Variants in TAF2 observed in about 807,000 individuals in gnomAD.
The protein encoded by TAF2 is transcription initiation factor TFIID subunit 2.
In TAF2, 61 loss-of-function variants were observed where a neutral mutation model predicts 138.5. The observed-to-expected ratio is 0.44, with a 90% CI of 0.36 to 0.54. The LOEUF (loss-of-function observed/expected upper bound fraction) is 0.54. Ranked by LOEUF, TAF2 falls within the 20% of genes least tolerant of loss-of-function variation. TAF2 has a pLI of 0.00. For missense variants in TAF2, 1,090 were observed against 1,427.9 expected, an observed-to-expected ratio of 0.76 and a Z score of 3.81; for synonymous variants, 475 against 469.9, an observed-to-expected ratio of 1.01 and a Z score of -0.14.
In TAF2 at chr8:119,790,055, A is replaced by G. The variant is rs564946657; in HGVS notation, c.1414-309T>C. ...GTAGTTTATATAGAAACTAGAAATT[A>G]AGAAGCTAATGATACTCATCAGGAT... On this transcript the variant is annotated intron_variant, in intron 11 of 25. Coordinates refer to ENST00000378164, the MANE Select transcript of TAF2 (RefSeq NM_003184.4). Among the ~76,000 whole-genome samples, 3 of 152,298 alleles carry G rather than the reference A, an allele frequency of 2.0e-5. No individual in the cohort carries two copies. The South Asian group carries it at 6.2e-4, about 32-fold the overall frequency.
intron 9 of TAF2, among the ~76,000 whole-genome samples, chr8:119,795,291 G>A (rs1823746078): frequency 1.3e-5 from 2 of 152,098 alleles, no homozygotes; most frequent in Admixed American, 6.5e-5. Flanking sequence ...CATACCTAAC[G>A]ACCAATCTGA....
At chr8:119,801,586 G>A (rs533834732) in intron 6 of TAF2, among the ~76,000 whole-genome samples, 3 of 151,966 alleles carry the variant, frequency 2.0e-5, no homozygotes, top group South Asian at 2.1e-4. Context: ...CCACCACCAC[G>A]CCTGGCTAAT....
chr8:119,827,733 AAT>A (rs1826191136), intron 2 of TAF2, among the ~76,000 whole-genome samples: 1 of 93,708 alleles, frequency 1.1e-5, no homozygotes, highest in Non-Finnish European at 2.2e-5. Flanking sequence ...CCATGGAAGG[AAT>A]TTTTTTTTTT....
chr8:119,795,590 T>C lies in TAF2; in HGVS notation c.1133A>G (p.Tyr378Cys). 2 of 1,613,794 alleles carry C rather than the reference T, an allele frequency of 1.2e-6. No individual in the cohort carries two copies. Among genetic ancestry groups the C allele is most frequent in the South Asian group, 1.1e-5 (1 of 91,078 alleles). The change falls in exon 9 of 26, where the codon TAT becomes TGT. Residue 378 changes from tyrosine (Y) to cysteine (C), a missense_variant. Tyr to Cys is a radical substitution (Grantham distance 194). This residue lies in a region of TAF2 where 504 missense variants were observed against 680.9 expected (regional missense o/e 0.74). Coordinates refer to ENST00000378164, the MANE Select transcript of TAF2 (RefSeq NM_003184.4). Reference protein sequence around the residue: ...WVLKGISGYIYGLWMKKTFGV... With the variant: ...WVLKGISGYICGLWMKKTFGV... ...AAAAGTTTTTTTCATCCAAAGTCCA[T>C]AGATATAGCCTGAAATTCCCTTCAG...
intron 21 of TAF2, among the ~76,000 whole-genome samples, chr8:119,757,507 T>TG (rs1244367675): frequency 6.6e-6 from 1 of 152,126 alleles, no homozygotes; most frequent in Non-Finnish European, 1.5e-5. Context: ...ATTTGTTTGA[T>TG]GAAGAAAAGT....
At chr8:119,818,092 G>C (rs1215293393) in intron 3 of TAF2, among the ~76,000 whole-genome samples, 2 of 152,130 alleles carry the variant, frequency 1.3e-5, no homozygotes, top group African/African-American at 4.8e-5. Flanking sequence ...AATGATTATT[G>C]GGACCATAAA....
intron 17 of TAF2, among the ~76,000 whole-genome samples, 173 bp from the exon 18 acceptor site, chr8:119,778,302 T>C (rs1370207061): frequency 6.6e-6 from 1 of 152,154 alleles, no homozygotes; most frequent in African/African-American, 2.4e-5. Context: ...CAAAGCATTC[T>C]AACATAAGAG....
chr8:119,756,434 A>T (rs1025496963), intron 21 of TAF2, among the ~76,000 whole-genome samples: 1 of 152,146 alleles, frequency 6.6e-6, no homozygotes, highest in Non-Finnish European at 1.5e-5. Flanking sequence ...GACTCCACAT[A>T]ATCCTAACCA....
chr8:119,799,779 G>A (rs1330459852), intron 6 of TAF2, among the ~76,000 whole-genome samples: 1 of 152,170 alleles, frequency 6.6e-6, no homozygotes, highest in Non-Finnish European at 1.5e-5. Context: ...CAGTGTAAAA[G>A]TGTTCCTATT....
chr8:119,806,658 G>T (rs1048343548), intron 3 of TAF2, among the ~76,000 whole-genome samples: 1 of 151,832 alleles, frequency 6.6e-6, no homozygotes, highest in African/African-American at 2.4e-5. Flanking sequence ...AGTAGAGATG[G>T]TGTTTCACCA....
chr8:119,806,611 G>GCACC (rs1437344654), intron 3 of TAF2, among the ~76,000 whole-genome samples: 1 of 151,620 alleles, frequency 6.6e-6, no homozygotes, highest in East Asian at 1.9e-4. Flanking sequence ...AGGATTACAG[G>GCACC]CACCCACCAC....
intron 25 of TAF2, among the ~76,000 whole-genome samples, chr8:119,732,528 G>C (rs1818947976): frequency 6.6e-6 from 1 of 152,094 alleles, no homozygotes; most frequent in Non-Finnish European, 1.5e-5. Context: ...CTGGGTCCGG[G>C]GGCGGTGGCT....
In TAF2 at chr8:119,736,998, G is replaced by A. The variant is rs140664228; in HGVS notation, c.3338-4812C>T. ...AAAGAGGTATGAGTTGGAAACACTA[G>A]AATGAAAAGTACAGAACAAAAACCT... On this transcript the variant is annotated intron_variant, in intron 25 of 25. Transcript: ENST00000378164. 2.1e-4 allele frequency among the ~76,000 whole-genome samples: 32 copies of A among 152,200 alleles called. No individual in the cohort carries two copies. In the East Asian group the frequency reaches 6.0e-3, roughly 28 times the overall value.
chr8:119,790,738 TA>T (rs1480856150), intron 11 of TAF2, among the ~76,000 whole-genome samples: 2 of 152,162 alleles, frequency 1.3e-5, no homozygotes, highest in Admixed American at 6.5e-5. Flanking sequence ...ATTTCATCCT[TA>T]ATACAATGCA....
chr8:119,779,944 C>T (rs1426988287), intron 17 of TAF2, among the ~76,000 whole-genome samples: 1 of 152,212 alleles, frequency 6.6e-6, no homozygotes, highest in Admixed American at 6.5e-5. Flanking sequence ...GGCTCTTTTC[C>T]CTGTGTCATA....
chr8:119,830,422 C>T (rs964699071), intron 2 of TAF2, among the ~76,000 whole-genome samples: 2 of 152,108 alleles, frequency 1.3e-5, no homozygotes, highest in South Asian at 2.1e-4. Context: ...TTTAGGACTT[C>T]ACCATTTCTC....
chr8:119,815,551 AGGC>A (rs1051250297), intron 3 of TAF2, among the ~76,000 whole-genome samples: 5 of 152,036 alleles, frequency 3.3e-5, no homozygotes, highest in African/African-American at 1.2e-4. Context: ...TGGGATTTAA[AGGC>A]GTGAGCCACT....
At chr8:119,784,898 G>A (rs1316323010) in intron 15 of TAF2, among the ~76,000 whole-genome samples, 1 of 152,128 alleles carries the variant, frequency 6.6e-6, no homozygotes, top group African/African-American at 2.4e-5. Flanking sequence ...GCACATTATA[G>A]TCTGAGCACT....
chr8:119,749,916 ACT>A (rs1820233339), intron 22 of TAF2, among the ~76,000 whole-genome samples: 1 of 152,156 alleles, frequency 6.6e-6, no homozygotes, highest in Admixed American at 6.5e-5. Flanking sequence ...TAGCAGTTAT[ACT>A]CTGAGACCAA....
Sources: allele counts gnomAD v4.1 joint callset (sites outside exome capture counted in the v4.1 genomes callset), GRCh38; gene constraint gnomAD v4.1.1; regional missense constraint gnomAD v4.1.1; transcripts MANE v1.5; gene names NCBI Gene and HGNC (gene_info 2026-07-23, HGNC 2026-07-21).